BDP1: variants seen among roughly 807,000 people sequenced by gnomAD.
BDP1 encodes transcription factor TFIIIB component B'' homolog.
BDP1 carries 169 observed loss-of-function variants against 266.6 expected under a neutral mutation model. The observed-to-expected ratio is 0.63, with a 90% CI of 0.56 to 0.72. The LOEUF (loss-of-function observed/expected upper bound fraction) is 0.72, where lower values mean the gene tolerates loss of function less well. Ranked by LOEUF, BDP1 falls within the 30% of genes least tolerant of loss-of-function variation. The pLI is 0.00. For missense variants in BDP1, 3,015 were observed against 3,053.8 expected, an observed-to-expected ratio of 0.99 and a Z score of 0.30; for synonymous variants, 1,090 against 1,022.4, an observed-to-expected ratio of 1.07 and a Z score of -1.26.
chr5:71,573,256 G>T, the BDP1 span, among the ~76,000 whole-genome samples: 1 of 148,208 alleles, frequency 6.7e-6, no homozygotes, highest in East Asian at 2.0e-4. Flanking sequence ...GAAAAGAAAA[G>T]AAAAAACAGG....
intron 8 of BDP1, among the ~76,000 whole-genome samples, chr5:71,485,265 C>T (rs1221197929): frequency 6.6e-6 from 1 of 152,090 alleles, no homozygotes; most frequent in African/African-American, 2.4e-5. Flanking sequence ...GCCTGGGCAA[C>T]ACAGCAAGAT....
chr5:71,463,074 C>T (rs1206518557), intron 3 of BDP1, among the ~76,000 whole-genome samples: 5 of 152,050 alleles, frequency 3.3e-5, no homozygotes, highest in Admixed American at 2.0e-4. Context: ...GATTGCACCA[C>T]TGCACTCCAG....
At position 71,458,756 on chromosome 5, in the gene BDP1, C is replaced by T. The variant is rs774555702; in HGVS notation, c.390C>T (p.Ala130=). The change falls in exon 2 of 39, where the codon GCC becomes GCT. Residue 130 remains alanine, a synonymous_variant. Coordinates refer to ENST00000358731, the MANE Select transcript of BDP1 (RefSeq NM_018429.3). ...ATCAAGAGGCTCCACAGCCAACTGC[C>T]ACTTCAACAAAAGAGAAACAGCCAT... ...TINQEAPQPT[A]TSTKEKQPCS... is the part of the protein sequence containing the mutation. The T allele has an allele frequency of 1.1e-4, 184 of 1,613,932 alleles. No homozygotes were observed. The highest frequency in any genetic ancestry group is 1.5e-4 in the Non-Finnish European group (176 of 1,179,954).
intron 7 of BDP1, among the ~76,000 whole-genome samples, chr5:71,482,960 C>T (rs1763046039): frequency 6.6e-6 from 1 of 152,124 alleles, no homozygotes; most frequent in Admixed American, 6.5e-5. Context: ...ACTGTATCAT[C>T]TAAGAATACA....
chr5:71,478,301 T>TA (rs1389973890), intron 7 of BDP1, among the ~76,000 whole-genome samples: 1 of 150,530 alleles, frequency 6.6e-6, no homozygotes, highest in Non-Finnish European at 1.5e-5. Flanking sequence ...TCTCTCTACA[T>TA]ATAGATATAT....
At chr5:71,463,424 A>G (rs1333959863) in intron 3 of BDP1, among the ~76,000 whole-genome samples, 1 of 152,170 alleles carries the variant, frequency 6.6e-6, no homozygotes, top group Non-Finnish European at 1.5e-5. Flanking sequence ...CCAGAAACCT[A>G]GGTTTTGAGT....
In BDP1 at chr5:71,541,608, T is replaced by G; in HGVS notation, c.6177T>G (p.Ile2059Met). Reference sequence around the variant, plus strand: ...CTGCATCATTTGAAGAAAACAAGATTGTATTGGAGGAACAAAGTTCCAGAG... The same window carrying G: ...CTGCATCATTTGAAGAAAACAAGATGGTATTGGAGGAACAAAGTTCCAGAG... The part of the protein sequence containing the change: ...TSPASFEENK[I>M]VLEEQSSREE... The change falls in exon 29 of 39, where the codon ATT (isoleucine) becomes ATG (methionine). Residue 2059 changes from isoleucine (I) to methionine (M), a missense_variant. Ile to Met is a conservative substitution (Grantham distance 10). Transcript: ENST00000358731. 2 of 1,612,674 alleles carry G rather than the reference T, an allele frequency of 1.2e-6. No homozygotes were observed. Among genetic ancestry groups the G allele is most frequent in the Non-Finnish European group, 1.7e-6 (2 of 1,179,392 alleles).
chr5:71,555,213 T>G (rs886938583), intron 35 of BDP1, among the ~76,000 whole-genome samples: 1 of 152,230 alleles, frequency 6.6e-6, no homozygotes, highest in African/African-American at 2.4e-5. Context: ...GAATTTGATT[T>G]GGTGTAAGGA....
intron 37 of BDP1, among the ~76,000 whole-genome samples, chr5:71,562,026 C>T (rs1471337555): frequency 3.3e-5 from 5 of 151,730 alleles, no homozygotes; most frequent in African/African-American, 9.7e-5. Context: ...AGGCAGATGA[C>T]GACGTCAGGA....
intron 25 of BDP1, among the ~76,000 whole-genome samples, chr5:71,531,816 T>C (rs907922303): frequency 6.6e-6 from 1 of 152,198 alleles, no homozygotes; most frequent in Non-Finnish European, 1.5e-5. Context: ...GCCCGATAAA[T>C]ACTTCTAAGG....
chr5:71,504,537 A>G, intron 15 of BDP1, 84 bp from the exon 16 acceptor site: 1 of 1,236,686 alleles, frequency 8.1e-7, no homozygotes, highest in South Asian at 1.5e-5. Flanking sequence ...TTACCATTTT[A>G]TACTTAAATT....
chr5:71,478,255 CA>C (rs1422130173), intron 7 of BDP1, among the ~76,000 whole-genome samples: 7 of 151,906 alleles, frequency 4.6e-5, no homozygotes, highest in Admixed American at 4.6e-4. Flanking sequence ...GTCTCAAAAA[CA>C]AAAACAAAAA....
At chr5:71,539,005 A>G (rs767751555) in intron 26 of BDP1, 37 bp from the exon 27 acceptor site, 11 of 1,399,018 alleles carry the variant, frequency 7.9e-6, no homozygotes, top group Non-Finnish European at 1.1e-5. Flanking sequence ...TGTTTGGGGA[A>G]GTATTTTAAG....
At chr5:71,481,246 C>CTT (rs375921654) in intron 7 of BDP1, among the ~76,000 whole-genome samples, 1 of 145,918 alleles carries the variant, frequency 6.9e-6, no homozygotes, top group African/African-American at 2.5e-5. Flanking sequence ...TATGTTTTTT[C>CTT]TTTTTTTTTT....
chr5:71,476,897 G>T (rs1371290797), intron 7 of BDP1, among the ~76,000 whole-genome samples: 2 of 152,144 alleles, frequency 1.3e-5, no homozygotes, highest in African/African-American at 4.8e-5. Flanking sequence ...TAGAGACGGG[G>T]TTTCACCCTG....
At chr5:71,578,155 G>A in the BDP1 span, among the ~76,000 whole-genome samples, 3 of 152,150 alleles carry the variant, frequency 2.0e-5, no homozygotes, top group Non-Finnish European at 1.5e-5. Context: ...GCCTACTCTG[G>A]ACCGAGCAGC....
intron 36 of BDP1, among the ~76,000 whole-genome samples, chr5:71,557,375 ATTTTT>A (rs55810132): frequency 8.6e-4 from 89 of 103,344 alleles, no homozygotes; most frequent in African/African-American, 2.1e-3. Flanking sequence ...TGCCAAGCTA[ATTTTT>A]TTTTTTTTTT....
chr5:71,502,816 A>G (rs1297517672), intron 15 of BDP1, 25 bp downstream of exon 15: 2 of 1,589,186 alleles, frequency 1.3e-6, no homozygotes, highest in South Asian at 1.1e-5. Flanking sequence ...TCCTCCTCAC[A>G]TTTTTGGTAA....
intron 2 of BDP1, among the ~76,000 whole-genome samples, chr5:71,460,693 G>A (rs753565160): frequency 4.6e-5 from 7 of 152,064 alleles, no homozygotes; most frequent in Non-Finnish European, 8.8e-5. Flanking sequence ...CAGCCTGGGC[G>A]ACAGATCAAA....
Sources: allele counts gnomAD v4.1 joint callset (sites outside exome capture counted in the v4.1 genomes callset), GRCh38; gene constraint gnomAD v4.1.1; transcripts MANE v1.5; gene names NCBI Gene and HGNC (gene_info 2026-07-23, HGNC 2026-07-21).